CDK14: variants seen among roughly 807,000 people sequenced by gnomAD.
The protein encoded by CDK14 is cyclin dependent kinase 14.
In CDK14, 34 loss-of-function variants were observed where a neutral mutation model predicts 60.7. The observed-to-expected ratio is 0.56, with a 90% CI of 0.43 to 0.75. CDK14 has a LOEUF of 0.75. Ranked by LOEUF, CDK14 falls within the 30% of genes least tolerant of loss-of-function variation. CDK14 has a pLI of 0.00. For missense variants in CDK14, 482 were observed against 564.1 expected (o/e 0.85, Z 1.47); for synonymous variants, 197 against 203.7 (o/e 0.97, Z 0.28).
chr7:90,765,848 AAG>A (rs1187502890), intron 4 of CDK14, among the ~76,000 whole-genome samples: 1 of 152,200 alleles, frequency 6.6e-6, no homozygotes, highest in African/African-American at 2.4e-5. Context: ...AGTCAGTAGA[AAG>A]AGAAAAAGTT....
At chr7:90,610,241 A>G (rs1274603670) in intron 2 of CDK14, among the ~76,000 whole-genome samples, 1 of 152,060 alleles carries the variant, frequency 6.6e-6, no homozygotes, top group Non-Finnish European at 1.5e-5. Context: ...TTCATTTGTA[A>G]TGTACGCTGC....
intron 14 of CDK14, among the ~76,000 whole-genome samples, chr7:91,136,304 A>G (rs1373194758): frequency 1.3e-5 from 2 of 152,178 alleles, no homozygotes; most frequent in South Asian, 2.1e-4. Flanking sequence ...CTAATAATCT[A>G]CACATTTACA....
chr7:91,155,756 A>G (rs981363311), intron 14 of CDK14, among the ~76,000 whole-genome samples: 1 of 152,232 alleles, frequency 6.6e-6, no homozygotes, highest in Non-Finnish European at 1.5e-5. Flanking sequence ...ATTGAAGTAT[A>G]GTAGAATGAC....
intron 2 of CDK14, chr7:90,632,185 A>G: frequency 5.8e-6 from 1 of 171,472 alleles, no homozygotes; most frequent in South Asian, 1.4e-4. Flanking sequence ...GAAGACTGTC[A>G]CAGGTAGACT....
At chr7:90,680,018 C>T (rs1024871173) in intron 2 of CDK14, among the ~76,000 whole-genome samples, 5 of 151,462 alleles carry the variant, frequency 3.3e-5, no homozygotes, top group East Asian at 1.9e-4. Flanking sequence ...AAGTATAAGG[C>T]GGTTATAATA....
chr7:90,617,394 G>A (rs1204132926), intron 2 of CDK14, among the ~76,000 whole-genome samples: 1 of 152,006 alleles, frequency 6.6e-6, no homozygotes, highest in Non-Finnish European at 1.5e-5. Flanking sequence ...GCAGCATATA[G>A]TTGGGAAAAC....
chr7:90,989,674 C>G (rs1342879158), intron 10 of CDK14, among the ~76,000 whole-genome samples: 1 of 152,072 alleles, frequency 6.6e-6, no homozygotes, highest in African/African-American at 2.4e-5. Flanking sequence ...AAATACTGAA[C>G]GCTAAGAGTT....
chr7:91,080,407 C>T (rs1371578660), intron 12 of CDK14, among the ~76,000 whole-genome samples: 7 of 152,180 alleles, frequency 4.6e-5, no homozygotes, highest in Admixed American at 4.6e-4. Context: ...CGGTAGTTTA[C>T]TTTAGGGATT....
intron 10 of CDK14, among the ~76,000 whole-genome samples, chr7:91,008,537 G>A (rs1796059006): frequency 6.6e-6 from 1 of 151,966 alleles, no homozygotes; most frequent in Non-Finnish European, 1.5e-5. Context: ...TCCCCCAAAT[G>A]CCTATTATTT....
chr7:90,916,350 A>G (rs1012371061), intron 7 of CDK14, among the ~76,000 whole-genome samples: 8 of 152,214 alleles, frequency 5.3e-5, no homozygotes, highest in African/African-American at 1.9e-4. Flanking sequence ...TCAGACTTCT[A>G]CTTTCTGCTG....
At chr7:90,979,188 A>T (rs563733850) in intron 9 of CDK14, among the ~76,000 whole-genome samples, 48 of 152,292 alleles carry the variant, frequency 3.2e-4, no homozygotes, top group Non-Finnish European at 6.3e-4. Flanking sequence ...TAATGTTCGT[A>T]TGTCACCAAA....
At chr7:90,632,905 A>AT (rs1563022833) in intron 2 of CDK14, among the ~76,000 whole-genome samples, 1 of 152,140 alleles carries the variant, frequency 6.6e-6, no homozygotes, top group East Asian at 1.9e-4. Context: ...CCTGGCCAAC[A>AT]TGACGAAACC....
chr7:90,873,251 G>T (rs1349785666), intron 6 of CDK14, among the ~76,000 whole-genome samples: 1 of 152,130 alleles, frequency 6.6e-6, no homozygotes, highest in Non-Finnish European at 1.5e-5. Flanking sequence ...AAGTACCCAA[G>T]ATCAGGATGA....
chr7:90,902,226 A>AT (rs1418616782), intron 7 of CDK14, among the ~76,000 whole-genome samples: 1 of 152,146 alleles, frequency 6.6e-6, no homozygotes, highest in Non-Finnish European at 1.5e-5. Context: ...AACATTCTTC[A>AT]TGCAGTAGAT....
intron 14 of CDK14, among the ~76,000 whole-genome samples, chr7:91,125,960 A>G (rs553296130): frequency 5.3e-5 from 8 of 152,318 alleles, no homozygotes; most frequent in East Asian, 1.9e-4. Context: ...ATTACTATAA[A>G]TGGGGAAAGA....
intron 8 of CDK14, among the ~76,000 whole-genome samples, chr7:90,946,923 A>G (rs1004486582): frequency 3.9e-5 from 6 of 152,176 alleles, no homozygotes; most frequent in African/African-American, 1.2e-4. Flanking sequence ...CTTCTAGCTT[A>G]CTGCTCCATT....
chr7:90,768,864 G>A (rs972404133), intron 4 of CDK14, among the ~76,000 whole-genome samples: 1 of 152,156 alleles, frequency 6.6e-6, no homozygotes, highest in Non-Finnish European at 1.5e-5. Context: ...GTAATCCTAT[G>A]TATTATAAGC....
chr7:90,880,825 T>C (rs1791725153), intron 6 of CDK14, among the ~76,000 whole-genome samples: 1 of 152,070 alleles, frequency 6.6e-6, no homozygotes, highest in South Asian at 2.1e-4. Flanking sequence ...TCTAGCAAAC[T>C]GTGGCAGCCC....
At chr7:91,059,186 T>G (rs1408507994) in intron 11 of CDK14, among the ~76,000 whole-genome samples, 3 of 152,248 alleles carry the variant, frequency 2.0e-5, no homozygotes, top group African/African-American at 7.2e-5. Context: ...TCTAATTTAT[T>G]TACATAGAGG....
Sources: gnomAD v4.1 joint callset for allele counts (sites outside exome capture counted in the v4.1 genomes callset) on GRCh38, gnomAD v4.1.1 for gene constraint, MANE v1.5 for transcripts, NCBI Gene and HGNC (gene_info 2026-07-23, HGNC 2026-07-21) for gene names.